Variants in ERC1 observed in about 807,000 individuals in gnomAD.
The protein encoded by ERC1 is RAB6 interacting protein 2.
A neutral mutation model predicts 132.0 loss-of-function variants in ERC1; 56 were observed. That is an observed-to-expected ratio of 0.42 (90% CI 0.34 to 0.53). The LOEUF (loss-of-function observed/expected upper bound fraction) is 0.53, where lower values mean the gene tolerates loss of function less well. Among genes scored for constraint, ERC1 ranks in the 20% least tolerant of loss-of-function variants. ERC1 has a pLI of 0.03. For missense variants in ERC1, 1,202 were observed against 1,349.9 expected (o/e 0.89, Z 1.72); for synonymous variants, 478 against 476.1 (o/e 1.00, Z -0.05).
At chr12:1,318,866 A>C (rs1292709604) in intron 15 of ERC1, among the ~76,000 whole-genome samples, 4 of 152,134 alleles carry the variant, frequency 2.6e-5, no homozygotes, top group African/African-American at 9.7e-5. Context: ...TACGGGCTGC[A>C]GCAGGCCGTT....
intron 17 of ERC1, among the ~76,000 whole-genome samples, chr12:1,427,937 C>G (rs546371361): frequency 6.6e-6 from 1 of 152,254 alleles, no homozygotes; most frequent in East Asian, 1.9e-4. Flanking sequence ...TTTAAGACAT[C>G]ATTTATAGTG....
intron 1 of ERC1, among the ~76,000 whole-genome samples, chr12:1,023,400 C>CT (rs1180835056): frequency 1.3e-5 from 2 of 150,436 alleles, no homozygotes; most frequent in African/African-American, 4.9e-5. Flanking sequence ...CTACCATGTT[C>CT]TTTTTTTGAT....
chr12:1,186,650 A>C (rs987962211), intron 11 of ERC1, among the ~76,000 whole-genome samples: 1 of 152,214 alleles, frequency 6.6e-6, no homozygotes, highest in African/African-American at 2.4e-5. Flanking sequence ...TTTAAAGCAT[A>C]GGTTAACGTA....
At chr12:1,095,463 A>G (rs1472852259) in intron 3 of ERC1, among the ~76,000 whole-genome samples, 4 of 151,798 alleles carry the variant, frequency 2.6e-5, no homozygotes, top group Non-Finnish European at 5.9e-5. Context: ...ATTATTCTTT[A>G]GTTATTTAAG....
At chr12:1,484,041 CACGCCTGTAA>C (rs1467155887) in intron 18 of ERC1, among the ~76,000 whole-genome samples, 1 of 148,942 alleles carries the variant, frequency 6.7e-6, no homozygotes, top group Admixed American at 6.6e-5. Flanking sequence ...CGTGGTGGCT[CACGCCTGTAA>C]TCCCAGCACT....
intron 1 of ERC1, among the ~76,000 whole-genome samples, chr12:1,022,774 C>T (rs992572161): frequency 6.6e-6 from 1 of 152,002 alleles, no homozygotes; most frequent in Admixed American, 6.6e-5. Flanking sequence ...CAAGTGAGCA[C>T]GTCTGGGTAA....
At chr12:1,257,577 AG>A (rs1479096647) in intron 13 of ERC1, among the ~76,000 whole-genome samples, 2 of 152,218 alleles carry the variant, frequency 1.3e-5, no homozygotes, top group East Asian at 3.8e-4. Flanking sequence ...GGTAATTATC[AG>A]GGTTGGGTAA....
chr12:1,485,379 A>G (rs1465292926), intron 18 of ERC1, among the ~76,000 whole-genome samples: 1 of 150,484 alleles, frequency 6.6e-6, no homozygotes, highest in African/African-American at 2.5e-5. Context: ...TAGTTTTTGT[A>G]TTTTTAGTAG....
chr12:1,084,399 G>A lies in ERC1; in HGVS notation c.1086+819G>A, dbSNP rs962350377. Among the ~76,000 whole-genome samples the A allele has an allele frequency of 1.2e-4, 18 of 152,038 alleles. 2 individuals carry two copies. Among genetic ancestry groups the A allele is most frequent in the Admixed American group, 9.2e-4 (14 of 15,266 alleles). ...TGAGGAAGGAGGTTTAAAAAATGGC[G>A]TATTCCCAAAGCAGCAAAATAATAA... is the stretch of plus-strand genomic sequence containing the variant. On this transcript the variant is annotated intron_variant, in intron 3 of 18. Coordinates refer to ENST00000360905, the MANE Select transcript of ERC1 (RefSeq NM_178040.4).
chr12:1,264,769 T>C (rs751421947), intron 14 of ERC1, among the ~76,000 whole-genome samples: 1 of 152,144 alleles, frequency 6.6e-6, no homozygotes, highest in Non-Finnish European at 1.5e-5. Flanking sequence ...AATATAAATG[T>C]TAAACAGGAA....
chr12:1,416,594 A>G (rs1311673566), intron 17 of ERC1, among the ~76,000 whole-genome samples: 3 of 152,238 alleles, frequency 2.0e-5, no homozygotes, highest in Non-Finnish European at 2.9e-5. Flanking sequence ...CAGAGAATTA[A>G]AGTAGTAATC....
At chr12:1,303,638 CAA>C (rs549139206) in intron 15 of ERC1, among the ~76,000 whole-genome samples, 3 of 137,880 alleles carry the variant, frequency 2.2e-5, no homozygotes, top group African/African-American at 8.1e-5. Flanking sequence ...GAGTCCATCT[CAA>C]AAAAAAAAAT....
chr12:1,300,413 C>CA (rs1188735159), intron 15 of ERC1, among the ~76,000 whole-genome samples: 1 of 151,948 alleles, frequency 6.6e-6, no homozygotes, highest in Non-Finnish European at 1.5e-5. Flanking sequence ...GATTTCATGA[C>CA]AAAGACGCCA....
At chr12:1,476,145 A>G (rs2093968577) in intron 18 of ERC1, among the ~76,000 whole-genome samples, 1 of 151,802 alleles carries the variant, frequency 6.6e-6, no homozygotes, top group East Asian at 1.9e-4. Context: ...GGTCCCAGCT[A>G]CTCAGGAGGC....
intron 2 of ERC1, among the ~76,000 whole-genome samples, chr12:1,045,344 A>G (rs1052446652): frequency 6.6e-6 from 1 of 152,068 alleles, no homozygotes; most frequent in African/African-American, 2.4e-5. Flanking sequence ...AAATAGTGTA[A>G]TAGATTTGTC....
intron 17 of ERC1, among the ~76,000 whole-genome samples, chr12:1,418,635 C>CT (rs770435776): frequency 1.4e-4 from 14 of 100,288 alleles, no homozygotes; most frequent in African/African-American, 6.2e-4. Flanking sequence ...TTCTTTCTTT[C>CT]TTTCTTTCTC....
chr12:1,163,700 G>A (rs1952085549), intron 8 of ERC1, among the ~76,000 whole-genome samples: 1 of 151,904 alleles, frequency 6.6e-6, no homozygotes, highest in Non-Finnish European at 1.5e-5. Flanking sequence ...CTACATGGTG[G>A]TTTTTATTTT....
At chr12:1,378,185 G>A (rs192899026) in intron 16 of ERC1, among the ~76,000 whole-genome samples, 2 of 152,242 alleles carry the variant, frequency 1.3e-5, no homozygotes, top group Admixed American at 6.5e-5. Context: ...GAAGAATGTA[G>A]GGGTCAGATA....
At chr12:1,127,631 G>A (rs1472676960) in intron 7 of ERC1, among the ~76,000 whole-genome samples, 1 of 151,556 alleles carries the variant, frequency 6.6e-6, no homozygotes, top group Non-Finnish European at 1.5e-5. Context: ...CATCCATCCC[G>A]TTTTTTAAAA....
Sources: gnomAD v4.1 joint callset for allele counts (sites outside exome capture counted in the v4.1 genomes callset) on GRCh38, gnomAD v4.1.1 for gene constraint, MANE v1.5 for transcripts, NCBI Gene and HGNC (gene_info 2026-07-23, HGNC 2026-07-21) for gene names.